The following TLK2 variants were observed in gnomAD, a reference collection of about 807,000 sequenced individuals.
The protein encoded by TLK2 is serine/threonine-protein kinase tousled-like 2.
In TLK2, 6 loss-of-function variants were observed where a neutral mutation model predicts 117.3. That is an observed-to-expected ratio of 0.05 (90% confidence interval 0.03 to 0.10). The LOEUF (loss-of-function observed/expected upper bound fraction) is 0.10, where lower values mean the gene tolerates loss of function less well. Ranked by LOEUF, TLK2 falls within the 10% of genes least tolerant of loss-of-function variation. TLK2 has a pLI of 1.00. For synonymous variants in TLK2, 257 were observed against 316.7 expected, an observed-to-expected ratio of 0.81 and a Z score of 2.00; for missense variants, 299 against 901.2, an observed-to-expected ratio of 0.33 and a Z score of 8.56.
At chr17:62,558,287 C>T (rs372305606) in intron 9 of TLK2, among the ~76,000 whole-genome samples, 3 of 152,124 alleles carry the variant, frequency 2.0e-5, no homozygotes, top group East Asian at 1.9e-4. Flanking sequence ...CTCAGCCTCC[C>T]GAACAGCTGG....
intron 2 of TLK2, among the ~76,000 whole-genome samples, chr17:62,492,689 T>G (rs1415348120): frequency 6.6e-6 from 1 of 151,672 alleles, no homozygotes; most frequent in East Asian, 2.0e-4. Context: ...ACTCCTGACC[T>G]CTCAGGTGAT....
intron 6 of TLK2, among the ~76,000 whole-genome samples, chr17:62,525,886 A>G (rs1326316964): frequency 3.9e-5 from 6 of 152,240 alleles, no homozygotes; most frequent in African/African-American, 9.6e-5. Context: ...ATTAAAGTCT[A>G]AAAGATATTA....
At chr17:62,565,393 G>A (rs761601613) in intron 11 of TLK2, among the ~76,000 whole-genome samples, 12 of 152,064 alleles carry the variant, frequency 7.9e-5, no homozygotes, top group East Asian at 1.9e-4. Flanking sequence ...GGTGGCTCAC[G>A]CCTGTAATCC....
intron 19 of TLK2, among the ~76,000 whole-genome samples, chr17:62,602,810 A>G (rs1162559042): frequency 4.6e-5 from 7 of 152,140 alleles, no homozygotes; most frequent in African/African-American, 1.7e-4. Flanking sequence ...TTATGCTTCT[A>G]TTTCTGCCTA....
Position 62,534,427 on chromosome 17 carries a change from A to G in TLK2, c.364-1743A>G, listed in dbSNP as rs184611030. Reference sequence around the variant, plus strand: ...TGTGAAGCTGTATAGTTTTTCTTCAAAGGTGTTCTGCATGTTTCTTAAGTT... The same window carrying G: ...TGTGAAGCTGTATAGTTTTTCTTCAGAGGTGTTCTGCATGTTTCTTAAGTT... On this transcript the variant is annotated intron_variant, in intron 6 of 21. Transcript: ENST00000346027. Among the ~76,000 whole-genome samples, 54 of 152,312 alleles carry G rather than the reference A, an allele frequency of 3.5e-4. 1 individual carries two copies. The East Asian group carries it at 9.4e-3, about 27-fold the overall frequency.
At chr17:62,575,965 G>C (rs1432721602) in intron 12 of TLK2, among the ~76,000 whole-genome samples, 1 of 152,192 alleles carries the variant, frequency 6.6e-6, no homozygotes, top group Non-Finnish European at 1.5e-5. Context: ...AGAGTACTGG[G>C]ATTACAGTGA....
chr17:62,493,391 G>C (rs915779837), intron 2 of TLK2, among the ~76,000 whole-genome samples: 2 of 152,038 alleles, frequency 1.3e-5, no homozygotes, highest in Non-Finnish European at 2.9e-5. Context: ...ATGGACCCTC[G>C]GGTTACTTTT....
intron 2 of TLK2, among the ~76,000 whole-genome samples, chr17:62,509,042 C>G (rs982422973): frequency 6.6e-6 from 1 of 152,190 alleles, no homozygotes; most frequent in Non-Finnish European, 1.5e-5. Flanking sequence ...AAACTACTTC[C>G]TCCTCTCTAG....
intron 2 of TLK2, among the ~76,000 whole-genome samples, chr17:62,493,022 G>A (rs191318014): frequency 2.0e-5 from 3 of 151,972 alleles, no homozygotes; most frequent in South Asian, 2.1e-4. Flanking sequence ...CACTTGAACC[G>A]GGAGGTGGAG....
At chr17:62,557,882 A>G (rs1467672148) in intron 9 of TLK2, among the ~76,000 whole-genome samples, 1 of 152,282 alleles carries the variant, frequency 6.6e-6, no homozygotes, top group South Asian at 2.1e-4. Context: ...TTCACTCACT[A>G]CTGTCCCTTC....
chr17:62,488,024 C>T (rs2072659570), intron 2 of TLK2, among the ~76,000 whole-genome samples: 1 of 152,062 alleles, frequency 6.6e-6, no homozygotes, highest in Admixed American at 6.6e-5. Flanking sequence ...ACAGCAATCT[C>T]CACCTCCCGG....
chr17:62,514,568 A>G (rs1365199579), intron 2 of TLK2, among the ~76,000 whole-genome samples: 2 of 149,976 alleles, frequency 1.3e-5, no homozygotes, highest in African/African-American at 4.9e-5. Context: ...AAAATTTACC[A>G]TCTTAACCTT....
At chr17:62,562,132 G>A (rs1484268837) in intron 10 of TLK2, among the ~76,000 whole-genome samples, 1 of 152,142 alleles carries the variant, frequency 6.6e-6, no homozygotes, top group African/African-American at 2.4e-5. Flanking sequence ...GGCCAATGAG[G>A]GTGGATCACT....
intron 2 of TLK2, among the ~76,000 whole-genome samples, chr17:62,492,692 C>G (rs2073227134): frequency 6.6e-6 from 1 of 151,966 alleles, no homozygotes; most frequent in Non-Finnish European, 1.5e-5. Flanking sequence ...CCTGACCTCT[C>G]AGGTGATCCA....
At chr17:62,542,126 G>T (rs1401818161) in intron 7 of TLK2, among the ~76,000 whole-genome samples, 1 of 152,200 alleles carries the variant, frequency 6.6e-6, no homozygotes, top group Non-Finnish European at 1.5e-5. Context: ...CCTAAATTAT[G>T]AAAATAGAAC....
chr17:62,523,779 G>A (rs1422398116), intron 5 of TLK2, among the ~76,000 whole-genome samples: 1 of 152,048 alleles, frequency 6.6e-6, no homozygotes, highest in Non-Finnish European at 1.5e-5. Flanking sequence ...GGCCAGACGA[G>A]GTTTTGTGTC....
intron 1 of TLK2, among the ~76,000 whole-genome samples, chr17:62,473,297 T>TGAC (rs2070977025): frequency 1.3e-5 from 2 of 152,160 alleles, no homozygotes; most frequent in South Asian, 4.1e-4. Context: ...ACAATGATGA[T>TGAC]GACCATGACC....
Position 62,586,240 on chromosome 17 carries a change from G to A in TLK2, c.1460+14G>A. The A allele has an allele frequency of 6.3e-7, 1 of 1,575,390 alleles. No individual in the cohort carries two copies. ...GAATTACCACAAGTAAGTGATACTT[G>A]AGTGTCTGACTTTTTAAAATTAAAT... On this transcript the variant is annotated intron_variant, in intron 16 of 21. Coordinates refer to ENST00000346027, the MANE Select transcript of TLK2 (RefSeq NM_006852.6).
At chr17:62,534,364 A>G (rs2076967298) in intron 6 of TLK2, among the ~76,000 whole-genome samples, 1 of 152,166 alleles carries the variant, frequency 6.6e-6, no homozygotes, top group South Asian at 2.1e-4. Context: ...CAGGAACATG[A>G]TATTACCGTT....
Sources: allele counts gnomAD v4.1 joint callset (sites outside exome capture counted in the v4.1 genomes callset), GRCh38; gene constraint gnomAD v4.1.1; transcripts MANE v1.5; gene names NCBI Gene and HGNC (gene_info 2026-07-23, HGNC 2026-07-21).